ITPR3: variants seen among roughly 807,000 people sequenced by gnomAD.
The protein encoded by ITPR3 is inositol 1,4,5-trisphosphate receptor type 3.
A neutral mutation model predicts 293.2 loss-of-function variants in ITPR3; 173 were observed. That is an observed-to-expected ratio of 0.59 (90% CI 0.52 to 0.67). The LOEUF (loss-of-function observed/expected upper bound fraction) is 0.67, where lower values mean the gene tolerates loss of function less well. ITPR3 is among the 30% of genes least tolerant of loss of function. The pLI is 0.00. For synonymous variants in ITPR3, 1,295 were observed against 1,444.4 expected (o/e 0.90, Z 2.35); for missense variants, 2,796 against 3,592.1 (o/e 0.78, Z 5.66).
At position 33,658,042 on chromosome 6, in the gene ITPR3, C is replaced by T. The variant is rs372548498; in HGVS notation, c.369+24C>T. On this transcript the variant is annotated intron_variant, in intron 4 of 57. Transcript: ENST00000605930. This position sits in a 1 kb window ranked among gnomAD's most constrained non-coding sequence, Gnocchi z 6.1. ...AGGTGAGGCTGGCCTGCCTCTCTCCCGCCTGCCCCTCTCCCTGCCTAAGAG... is the reference window on the plus strand; with the variant it reads ...AGGTGAGGCTGGCCTGCCTCTCTCCTGCCTGCCCCTCTCCCTGCCTAAGAG... 39 of 1,595,458 alleles carry T rather than the reference C, an allele frequency of 2.4e-5. No homozygotes were observed. Among genetic ancestry groups the T allele is most frequent in the East Asian group, 4.5e-5 (2 of 44,376 alleles).
In ITPR3 at chr6:33,692,001, T is replaced by C; in HGVS notation, c.7458+73T>C. ...CCAGATCAGCAACTGTGGAGAGTCC[T>C]GTCCTTGGCCTCGCGTCAGATATTC... On this transcript the variant is annotated intron_variant, in intron 54 of 57. Coordinates refer to ENST00000605930, the MANE Select transcript of ITPR3 (RefSeq NM_002224.4). The surrounding 1 kb of genome is among the most constrained non-coding windows in gnomAD (Gnocchi z 4.2). 1 of 1,588,630 alleles carries C rather than the reference T, an allele frequency of 6.3e-7. No individual in the cohort carries two copies. Among genetic ancestry groups the C allele is most frequent in the Non-Finnish European group, 8.6e-7 (1 of 1,161,398 alleles).
chr6:33,635,247 C>G lies in ITPR3; in HGVS notation c.90-5237C>G, dbSNP rs529119217. 3.3e-5 allele frequency among the ~76,000 whole-genome samples: 5 copies of G among 152,160 alleles called. No homozygotes were observed. The South Asian group carries it at 8.3e-4, about 25-fold the overall frequency. On this transcript the variant is annotated intron_variant, in intron 1 of 57. Transcript: ENST00000605930. ...GACCTCTCCCTTCCCTGAATTCGGA[C>G]GAAACCCACGGCTGGTACCACCAGT...
At position 33,683,126 on chromosome 6, in the gene ITPR3, T is replaced by G; in HGVS notation, c.4598-81T>G. ...TGGTCTAGTTCACTCTGTCTCCTGG[T>G]GTGGCAGCCCTGAGCCTGGCCTCTG... On this transcript the variant is annotated intron_variant, in intron 34 of 57. Coordinates refer to ENST00000605930, the MANE Select transcript of ITPR3 (RefSeq NM_002224.4). The surrounding 1 kb of genome is among the most constrained non-coding windows in gnomAD (Gnocchi z 4.5). 1 of 1,069,934 alleles carries G rather than the reference T, an allele frequency of 9.3e-7. No homozygotes were observed. Among genetic ancestry groups the G allele is most frequent in the Non-Finnish European group, 1.3e-6 (1 of 766,178 alleles). 66.3% of individuals were successfully genotyped at this position (1,069,934 alleles called of 1,614,324 possible). A position where few individuals can be genotyped will look rare whatever the true frequency, so the allele number is the denominator to read the frequency against.
At chr6:33,694,740 T>C in intron 56 of ITPR3, 184 bp from the exon 57 acceptor site, 1 of 688,284 alleles carries the variant, frequency 1.5e-6, no homozygotes, top group Non-Finnish European at 2.4e-6. Flanking sequence ...GACAAGAGGG[T>C]TGACTGCCAG....
chr6:33,685,873 G>A (rs370125413), intron 41 of ITPR3, 46 bp downstream of exon 41: 756 of 1,545,480 alleles, frequency 4.9e-4, no homozygotes, highest in Non-Finnish European at 5.7e-4. Flanking sequence ...CTGGCCAGCC[G>A]GCATGCAGAC....
rs1765263407 is a variant in ITPR3, at chr6:33,687,425, C to T, written c.6178-53C>T. 3 of 1,549,652 alleles carry T rather than the reference C, an allele frequency of 1.9e-6. No homozygotes were observed. In the South Asian group the frequency reaches 3.5e-5, roughly 18 times the overall value. Reference sequence around the variant, plus strand: ...CCAGTCGCCATTGTCGCCCCCCAGCCACCATGTCCCCCAGCCACCACACCC... The same window carrying T: ...CCAGTCGCCATTGTCGCCCCCCAGCTACCATGTCCCCCAGCCACCACACCC... On this transcript the variant is annotated intron_variant, in intron 45 of 57. Transcript: ENST00000605930. The surrounding 1 kb of genome is among the most constrained non-coding windows in gnomAD (Gnocchi z 5.3).
rs1294756028 is a variant in ITPR3, at chr6:33,666,516, A to G, written c.1551+540A>G. ...AATAGGGACATTGCCTTACATAACC[A>G]TAGTACATGATCACACCTAAGAAAA... On this transcript the variant is annotated intron_variant, in intron 14 of 57. Transcript: ENST00000605930. This position sits in a 1 kb window ranked among gnomAD's most constrained non-coding sequence, Gnocchi z 5.1. 6.6e-6 allele frequency among the ~76,000 whole-genome samples: 1 copy of G among 152,184 alleles called. No individual in the cohort carries two copies. The highest frequency in any genetic ancestry group is 6.5e-5 in the Admixed American group (1 of 15,274).
chr6:33,679,780 G>T lies in ITPR3; in HGVS notation c.3973-102G>T. 2.1e-6 allele frequency: 3 copies of T among 1,426,896 alleles called. No individual in the cohort carries two copies. Among genetic ancestry groups the T allele is most frequent in the Non-Finnish European group, 9.4e-7 (1 of 1,060,574 alleles). 88.4% of individuals were successfully genotyped at this position (1,426,896 alleles called of 1,614,324 possible). A position where few individuals can be genotyped will look rare whatever the true frequency, so the allele number is the denominator to read the frequency against. On this transcript the variant is annotated intron_variant, in intron 30 of 57. Transcript: ENST00000605930. The surrounding 1 kb of genome is among the most constrained non-coding windows in gnomAD (Gnocchi z 4.2). ...AGGGTTTTCCTGATTTCAGGTAAGG[G>T]CTGTGGTCAGAGTCCCAGTTTCTCC...
intron 2 of ITPR3, among the ~76,000 whole-genome samples, chr6:33,648,885 C>T (rs1314667173): frequency 2.6e-5 from 4 of 151,486 alleles, no homozygotes; most frequent in Admixed American, 2.0e-4. Flanking sequence ...TGAGCCACCA[C>T]GCCCAGGCTG....
At position 33,685,341 on chromosome 6, in the gene ITPR3, G is replaced by A. The variant is rs753122186; in HGVS notation, c.5308-18G>A. 8 of 1,602,000 alleles carry A rather than the reference G, an allele frequency of 5.0e-6. No individual in the cohort carries two copies. In the South Asian group the frequency reaches 8.9e-5, roughly 18 times the overall value. On this transcript the variant is annotated intron_variant, in intron 39 of 57. Transcript: ENST00000605930. The stretch of plus-strand genomic sequence containing the variant: ...GGCCCAGTGCTGAGGTTGTTCCCTG[G>A]CCACTGTCCACCTCCAGAAATCCTT...
Position 33,688,690 on chromosome 6 carries a change from G to A in ITPR3, c.6603G>A (p.Met2201Ile). ...MPLIYWFSRR[M>I]TLWGSISFNL... ...TGATCTACTGGTTCTCCCGCCGCAT[G>A]ACCCTGTGGGGCAGCATCTCCTTCA... The change falls in exon 49 of 58, where the codon ATG becomes ATA. Residue 2201 changes from methionine (M) to isoleucine (I), a missense_variant. Met to Ile is a conservative substitution (Grantham distance 10). This residue lies in a region of ITPR3 where 568 missense variants were observed against 796.1 expected (regional missense o/e 0.71). Coordinates refer to ENST00000605930, the MANE Select transcript of ITPR3 (RefSeq NM_002224.4). 6.2e-7 allele frequency: 1 copy of A among 1,614,182 alleles called. No individual in the cohort carries two copies.
intron 27 of ITPR3, 77 bp downstream of exon 27, chr6:33,677,166 G>T: frequency 4.5e-6 from 6 of 1,342,916 alleles, no homozygotes; most frequent in Non-Finnish European, 6.4e-6. Context: ...CCGGCCCCCT[G>T]TGCCTCTCCC....
In ITPR3 at chr6:33,623,321, G is replaced by GTTTTTTTTTTTTTTTTTTTTT. The variant is rs150420581; in HGVS notation, c.89+1634_89+1635insTTTTTTTTTTTTTTTTTTTTT. On this transcript the variant is annotated intron_variant, in intron 1 of 57. Transcript: ENST00000605930. ...CATGATGATTTTCAAGTGCCTGTGA[G>GTTTTTTTTTTTTTTTTTTTTT]TTTTGTTTTTTTTTTTTTTTTTTAA... is the stretch of plus-strand genomic sequence containing the variant. Among the ~76,000 whole-genome samples, 5 of 118,268 alleles carry GTTTTTTTTTTTTTTTTTTTTT rather than the reference G, an allele frequency of 4.2e-5. 2 individuals are homozygous for GTTTTTTTTTTTTTTTTTTTTT. Among genetic ancestry groups the GTTTTTTTTTTTTTTTTTTTTT allele is most frequent in the Non-Finnish European group, 6.7e-5 (4 of 59,608 alleles). 77.6% of individuals were successfully genotyped at this position (118,268 alleles called of 152,430 possible). A position where few individuals can be genotyped will look rare whatever the true frequency, so the allele number is the denominator to read the frequency against.
At position 33,667,398 on chromosome 6, in the gene ITPR3, C is replaced by G; in HGVS notation, c.1713+108C>G. 1 of 1,391,208 alleles carries G rather than the reference C, an allele frequency of 7.2e-7. No homozygotes were observed. Among genetic ancestry groups the G allele is most frequent in the South Asian group, 1.4e-5 (1 of 70,694 alleles). The allele number at this position is 1,391,208 out of a possible 1,614,324, so 86.2% of individuals were successfully genotyped here. Reference sequence around the variant, plus strand: ...CAGGCACTGTTTTGGGGCCTAGGGTCCAGTAGGGCACCAGACAGCAGGGCC... The same window carrying G: ...CAGGCACTGTTTTGGGGCCTAGGGTGCAGTAGGGCACCAGACAGCAGGGCC... On this transcript the variant is annotated intron_variant, in intron 15 of 57. Coordinates refer to ENST00000605930, the MANE Select transcript of ITPR3 (RefSeq NM_002224.4). This position sits in a 1 kb window ranked among gnomAD's most constrained non-coding sequence, Gnocchi z 4.4.
rs1207201823 is a variant in ITPR3, at chr6:33,671,152, GC to G, written c.2587-8del. 1.2e-6 allele frequency: 2 copies of G among 1,612,400 alleles called. No individual in the cohort carries two copies. The highest frequency in any genetic ancestry group is 1.7e-6 in the Non-Finnish European group (2 of 1,179,576). The stretch of plus-strand genomic sequence containing the variant: ...GCCCCTCCCACCTCACCTCGGCCAC[GC>G]CCCCTTCGCAGGTGGTCAGCCTGGC... On this transcript the variant is annotated splice_polypyrimidine_tract_variant and intron_variant, in intron 20 of 57. Coordinates refer to ENST00000605930, the MANE Select transcript of ITPR3 (RefSeq NM_002224.4).
chr6:33,626,792 A>G (rs1312460302), intron 1 of ITPR3, among the ~76,000 whole-genome samples: 2 of 152,032 alleles, frequency 1.3e-5, no homozygotes, highest in Non-Finnish European at 2.9e-5. Flanking sequence ...TGGATTTCAG[A>G]CCTGTCTTGG....
intron 2 of ITPR3, among the ~76,000 whole-genome samples, chr6:33,650,262 T>C (rs933801929): frequency 4.6e-5 from 7 of 152,186 alleles, no homozygotes; most frequent in South Asian, 4.1e-4. Context: ...AGTAGAAGCA[T>C]GGGATGTGTA....
rs1451710976 is a variant in ITPR3 at position 33,686,035 on chromosome 6, C to T, written c.5668-18C>T. 1 of 1,613,306 alleles carries T rather than the reference C, an allele frequency of 6.2e-7. No homozygotes were observed. The highest frequency in any genetic ancestry group is 1.7e-5 in the Admixed American group (1 of 60,008). On this transcript the variant is annotated intron_variant, in intron 41 of 57. Transcript: ENST00000605930. ...CGTGCTGTAGCTGTGCTGTGCCCAA[C>T]CCTTCTGTGCCCCGCAGAACTTCCT...
chr6:33,673,332 T>A (rs1202662825), intron 22 of ITPR3, among the ~76,000 whole-genome samples: 1 of 152,134 alleles, frequency 6.6e-6, no homozygotes, highest in Non-Finnish European at 1.5e-5. Context: ...CGCTGCCTCA[T>A]GCTGAGAGGA....
Sources: gnomAD v4.1 joint callset for allele counts (sites outside exome capture counted in the v4.1 genomes callset) on GRCh38, gnomAD v4.1.1 for gene constraint, gnomAD v4.1.1 regional missense constraint, Gnocchi (gnomAD v3.1) non-coding constraint, MANE v1.5 for transcripts, NCBI Gene and HGNC (gene_info 2026-07-23, HGNC 2026-07-21) for gene names.